PTPRG: variants seen among roughly 807,000 people sequenced by gnomAD.
PTPRG encodes protein tyrosine phosphatase receptor type G, also known as receptor-type tyrosine-protein phosphatase gamma.
PTPRG carries 102 observed loss-of-function variants against 165.3 expected under a neutral mutation model. That is an observed-to-expected ratio of 0.62 (90% CI 0.53 to 0.73). The LOEUF is 0.73. Among genes scored for constraint, PTPRG ranks in the 30% least tolerant of loss-of-function variants. PTPRG has a pLI of 0.00. For missense variants in PTPRG, 1,866 were observed against 1,861.4 expected, an observed-to-expected ratio of 1.00 and a Z score of -0.05; for synonymous variants, 675 against 669.5, an observed-to-expected ratio of 1.01 and a Z score of -0.13.
Position 61,562,353 on chromosome 3 carries a change from T to A in PTPRG, c.66T>A (p.His22Gln). ...TGAAAATCACCAGTTCCGTGCTCCA[T>A]TATGTCGTGTGCTTCCCCGGTGAGT... ...LFLKITSSVL[H>Q]YVVCFPALTE... The change falls in exon 1 of 30, where the codon CAT becomes CAA. Residue 22 changes from histidine to glutamine, a missense_variant. Transcript: ENST00000474889. The A allele has an allele frequency of 6.2e-7, 1 of 1,613,032 alleles. No individual in the cohort carries two copies. The highest frequency in any genetic ancestry group is 8.5e-7 in the Non-Finnish European group (1 of 1,179,346).
At chr3:62,016,888 TATC>T (rs2041558095) in intron 4 of PTPRG, among the ~76,000 whole-genome samples, 2 of 152,248 alleles carry the variant, frequency 1.3e-5, no homozygotes, top group African/African-American at 4.8e-5. Flanking sequence ...TAAGCCGTCT[TATC>T]ATTTCATGCT....
chr3:61,951,858 G>A (rs1456980059), intron 2 of PTPRG, among the ~76,000 whole-genome samples: 1 of 152,084 alleles, frequency 6.6e-6, no homozygotes, highest in Non-Finnish European at 1.5e-5. Context: ...GGTGGCTCAC[G>A]CCTGTAATCC....
At chr3:61,735,529 G>GTTT (rs11352504) in intron 1 of PTPRG, among the ~76,000 whole-genome samples, 3 of 143,166 alleles carry the variant, frequency 2.1e-5, no homozygotes, top group Non-Finnish European at 1.5e-5. Context: ...AATTCCTTGA[G>GTTT]TTTTTTTTTT....
At chr3:61,755,328 G>T (rs1015514132) in intron 2 of PTPRG, among the ~76,000 whole-genome samples, 1 of 152,056 alleles carries the variant, frequency 6.6e-6, no homozygotes, top group Non-Finnish European at 1.5e-5. Context: ...CCTTCTGATC[G>T]GAAGGAACCA....
intron 2 of PTPRG, among the ~76,000 whole-genome samples, chr3:61,885,439 T>C (rs906455878): frequency 2.6e-5 from 4 of 151,790 alleles, no homozygotes; most frequent in Admixed American, 6.6e-5. Flanking sequence ...TTTGTACATA[T>C]GCACATTAAT....
intron 2 of PTPRG, among the ~76,000 whole-genome samples, chr3:61,807,688 T>G (rs1029669075): frequency 1.3e-5 from 2 of 152,210 alleles, no homozygotes; most frequent in Non-Finnish European, 2.9e-5. Context: ...GATAACAGAA[T>G]CATAAATGTG....
At chr3:62,039,926 T>G (rs557479027) in intron 4 of PTPRG, among the ~76,000 whole-genome samples, 24 of 152,370 alleles carry the variant, frequency 1.6e-4, no homozygotes, top group South Asian at 1.5e-3. Flanking sequence ...GTTAAATATT[T>G]TAAAAACTTA....
At chr3:61,657,789 G>A (rs973095369) in intron 1 of PTPRG, among the ~76,000 whole-genome samples, 2 of 152,196 alleles carry the variant, frequency 1.3e-5, no homozygotes, top group East Asian at 1.9e-4. Flanking sequence ...CGCTTAAAAA[G>A]TGGGAGCTGT....
chr3:61,984,060 T>C (rs2040701761), intron 2 of PTPRG, among the ~76,000 whole-genome samples: 1 of 152,176 alleles, frequency 6.6e-6, no homozygotes, highest in Non-Finnish European at 1.5e-5. Flanking sequence ...TGTGAGGAAT[T>C]CTATCTGCCT....
intron 1 of PTPRG, among the ~76,000 whole-genome samples, chr3:61,719,935 A>G (rs533279628): frequency 6.6e-6 from 1 of 152,030 alleles, no homozygotes; most frequent in Non-Finnish European, 1.5e-5. Context: ...CAAATGTCAC[A>G]TTTTCCTAAG....
chr3:62,285,191 A>G lies in PTPRG; in HGVS notation c.4055+2322A>G, dbSNP rs568466666. ...ACCCAATGCCTGGGACAGCGTGGGT[A>G]CTAGACAAGTATTTGCACGAACGGG... On this transcript the variant is annotated intron_variant, in intron 28 of 29. Transcript: ENST00000474889. Among the ~76,000 whole-genome samples, 15 of 152,268 alleles carry G rather than the reference A, an allele frequency of 9.9e-5. No individual in the cohort carries two copies. The East Asian group carries it at 2.7e-3, about 27-fold the overall frequency.
At chr3:62,243,626 C>A in intron 14 of PTPRG, 181 bp from the exon 15 acceptor site, 1 of 468,054 alleles carries the variant, frequency 2.1e-6, no homozygotes. Flanking sequence ...TATGCTGTAG[C>A]AATTTTGGGC....
At chr3:61,941,003 A>G (rs1451144066) in intron 2 of PTPRG, among the ~76,000 whole-genome samples, 1 of 152,198 alleles carries the variant, frequency 6.6e-6, no homozygotes, top group Non-Finnish European at 1.5e-5. Context: ...TTGAGATCAG[A>G]CACATTGACA....
At chr3:61,648,583 G>T (rs1575562421) in intron 1 of PTPRG, among the ~76,000 whole-genome samples, 1 of 152,260 alleles carries the variant, frequency 6.6e-6, no homozygotes, top group Non-Finnish European at 1.5e-5. Context: ...CAGGGTGTTT[G>T]AGTGGGGTGA....
intron 5 of PTPRG, among the ~76,000 whole-genome samples, chr3:62,105,680 T>C (rs188241107): frequency 1.6e-4 from 25 of 152,268 alleles, no homozygotes; most frequent in Admixed American, 2.6e-4. Flanking sequence ...AGAGCCACAA[T>C]ATGGGTGGAT....
intron 1 of PTPRG, among the ~76,000 whole-genome samples, chr3:61,705,240 T>G (rs2031186705): frequency 6.6e-6 from 1 of 152,098 alleles, no homozygotes; most frequent in African/African-American, 2.4e-5. Context: ...GCGCTGGGTG[T>G]GAGGAACAAG....
At chr3:61,777,283 A>G (rs1414480655) in intron 2 of PTPRG, among the ~76,000 whole-genome samples, 6 of 152,222 alleles carry the variant, frequency 3.9e-5, no homozygotes, top group Admixed American at 3.9e-4. Flanking sequence ...AGCACTTGAA[A>G]TATTGCCAGT....
intron 2 of PTPRG, among the ~76,000 whole-genome samples, chr3:61,752,789 A>AAAAAAAAAAAG (rs2033485371): frequency 9.7e-6 from 1 of 103,202 alleles, no homozygotes; most frequent in Non-Finnish European, 2.1e-5. Context: ...CTGTCTCAAA[A>AAAAAAAAAAAG]AAAAAAAAAA....
intron 5 of PTPRG, among the ~76,000 whole-genome samples, chr3:62,092,937 G>A (rs2106801280): frequency 6.6e-6 from 1 of 152,306 alleles, no homozygotes; most frequent in African/African-American, 2.4e-5. Flanking sequence ...GGTTTGTGAT[G>A]TGTTACTATT....
Sources: gnomAD v4.1 joint callset for allele counts (sites outside exome capture counted in the v4.1 genomes callset) on GRCh38, gnomAD v4.1.1 for gene constraint, MANE v1.5 for transcripts, NCBI Gene and HGNC (gene_info 2026-07-23, HGNC 2026-07-21) for gene names.